Variants in ADAM9 observed in about 807,000 individuals in gnomAD.
ADAM9 encodes ADAM metallopeptidase domain 9.
A neutral mutation model predicts 108.1 loss-of-function variants in ADAM9; 54 were observed. The observed-to-expected ratio is 0.50, with a 90% CI of 0.40 to 0.63. The LOEUF (loss-of-function observed/expected upper bound fraction) is 0.63. Among genes scored for constraint, ADAM9 ranks in the 20% least tolerant of loss-of-function variants. The pLI is 0.00. For synonymous variants in ADAM9, 316 were observed against 336.0 expected (o/e 0.94, Z 0.65); for missense variants, 830 against 997.7 (o/e 0.83, Z 2.26).
intron 11 of ADAM9, among the ~76,000 whole-genome samples, chr8:39,027,773 T>C (rs1351081844): frequency 2.0e-5 from 3 of 150,962 alleles, no homozygotes; most frequent in Non-Finnish European, 4.4e-5. Flanking sequence ...AAATTAGATA[T>C]GAGAGGTGAT....
Position 39,043,771 on chromosome 8 carries a change from C to T in ADAM9, c.1302+1654C>T, listed in dbSNP as rs1299464114. On this transcript the variant is annotated intron_variant, in intron 12 of 21. Transcript: ENST00000487273. ...AAAAGGTAATTTTTCAGCCCTCACA[C>T]CCCTCCCATGCTCCCACTTTTTGGG... is the stretch of plus-strand genomic sequence containing the variant. Among the ~76,000 whole-genome samples the T allele has an allele frequency of 3.9e-5, 6 of 152,080 alleles. No individual in the cohort carries two copies. The East Asian group carries it at 1.2e-3, about 29-fold the overall frequency.
chr8:39,057,344 T>TAATATATAATTTACATATAATATATTA lies in ADAM9; in HGVS notation c.1591+1583_1591+1609dup, dbSNP rs1838157987. ...ATTACGTGAATCTAATATTTATATA[T>TAATATATAATTTACATATAATATATTA]AATATATAATTTACATATAATATAT... On this transcript the variant is annotated intron_variant, in intron 14 of 21. Coordinates refer to ENST00000487273, the MANE Select transcript of ADAM9 (RefSeq NM_003816.3). Among the ~76,000 whole-genome samples, 3 of 148,610 alleles carry TAATATATAATTTACATATAATATATTA rather than the reference T, an allele frequency of 2.0e-5. No homozygotes were observed. The South Asian group carries it at 6.3e-4, about 31-fold the overall frequency.
At chr8:39,060,461 G>T (rs866317314) in intron 14 of ADAM9, among the ~76,000 whole-genome samples, 1 of 152,154 alleles carries the variant, frequency 6.6e-6, no homozygotes, top group African/African-American at 2.4e-5. Flanking sequence ...ACCAAATGAG[G>T]AATATTTTGC....
At chr8:39,088,657 A>G (rs1489135263) in intron 18 of ADAM9, among the ~76,000 whole-genome samples, 2 of 152,168 alleles carry the variant, frequency 1.3e-5, no homozygotes, top group South Asian at 2.1e-4. Flanking sequence ...TTGTTTCTCA[A>G]AAGAACACAG....
chr8:39,071,449 C>CCGT, intron 15 of ADAM9, 46 bp downstream of exon 15: 1 of 1,292,710 alleles, frequency 7.7e-7, no homozygotes, highest in African/African-American at 1.5e-5. Flanking sequence ...ATTATAAGAT[C>CCGT]CGTCATCTCT....
intron 18 of ADAM9, among the ~76,000 whole-genome samples, chr8:39,083,571 T>A (rs1470830620): frequency 6.6e-6 from 1 of 152,228 alleles, no homozygotes; most frequent in Admixed American, 6.5e-5. Flanking sequence ...TGGGCTTTCA[T>A]ACCGTATTAT....
At chr8:39,042,551 C>CT (rs1837485994) in intron 12 of ADAM9, among the ~76,000 whole-genome samples, 1 of 151,872 alleles carries the variant, frequency 6.6e-6, no homozygotes, top group South Asian at 2.1e-4. Context: ...AAAGTTCTTG[C>CT]TACTCAAAGT....
intron 16 of ADAM9, among the ~76,000 whole-genome samples, chr8:39,080,853 C>G (rs1486360475): frequency 6.6e-6 from 1 of 151,506 alleles, no homozygotes; most frequent in Admixed American, 6.6e-5. Context: ...CAAGTTTGCT[C>G]TACTTGCTGC....
At chr8:39,063,811 A>G (rs1226322078) in intron 14 of ADAM9, among the ~76,000 whole-genome samples, 1 of 152,184 alleles carries the variant, frequency 6.6e-6, no homozygotes, top group Non-Finnish European at 1.5e-5. Flanking sequence ...TCAACTTTCA[A>G]GATCCAGTTC....
chr8:39,002,130 C>T (rs1836014742), intron 1 of ADAM9, among the ~76,000 whole-genome samples: 1 of 145,728 alleles, frequency 6.9e-6, no homozygotes, highest in South Asian at 2.2e-4. Context: ...CTAATTGAAA[C>T]AATTTCTCTA....
chr8:39,003,127 G>A (rs1434706370), intron 1 of ADAM9, among the ~76,000 whole-genome samples: 1 of 152,202 alleles, frequency 6.6e-6, no homozygotes, highest in African/African-American at 2.4e-5. Context: ...ATTAATTGTG[G>A]CATTTTGGTT....
intron 4 of ADAM9, chr8:39,015,271 ATACT>A (rs1308936638): frequency 1.3e-5 from 2 of 152,250 alleles, no homozygotes; most frequent in South Asian, 2.1e-4. Context: ...AACTGAGTTA[ATACT>A]TACAAGATGC....
At chr8:39,045,006 CTATGTA>C (rs1459945766) in intron 12 of ADAM9, among the ~76,000 whole-genome samples, 28 of 102,482 alleles carry the variant, frequency 2.7e-4, no homozygotes, top group Admixed American at 5.1e-4. Context: ...GCACACATAC[CTATGTA>C]TGTGTATGTG....
At chr8:39,071,139 A>G (rs1005558488) in intron 14 of ADAM9, among the ~76,000 whole-genome samples, 159 bp from the exon 15 acceptor site, 4 of 152,212 alleles carry the variant, frequency 2.6e-5, no homozygotes, top group African/African-American at 9.7e-5. Flanking sequence ...AATGTGGAAC[A>G]AAAATGTATC....
At chr8:39,038,887 T>C (rs2129435957) in intron 11 of ADAM9, among the ~76,000 whole-genome samples, 1 of 152,360 alleles carries the variant, frequency 6.6e-6, no homozygotes, top group South Asian at 2.1e-4. Context: ...ATTGATAGTT[T>C]ATGTTCTTTC....
chr8:39,105,210 A>C lies in ADAM9; in HGVS notation c.*1510A>C. ...AAAATTTCAGTTTTCTGAAGACAGC[A>C]TGTTATTTTAACAATCAAGTATACA... is the stretch of plus-strand genomic sequence containing the variant. On this transcript the variant is annotated 3_prime_UTR_variant, in exon 22 of 22. Coordinates refer to ENST00000487273, the MANE Select transcript of ADAM9 (RefSeq NM_003816.3). 2.3e-6 allele frequency: 1 copy of C among 442,294 alleles called. No homozygotes were observed. Among genetic ancestry groups the C allele is most frequent in the Non-Finnish European group, 4.5e-6 (1 of 223,320 alleles). 27.4% of individuals were successfully genotyped at this position (442,294 alleles called of 1,614,324 possible).
At chr8:39,026,029 C>T in intron 10 of ADAM9, 145 bp downstream of exon 10, 2 of 778,406 alleles carry the variant, frequency 2.6e-6, no homozygotes, top group Admixed American at 4.2e-5. Context: ...TGGGTTCTTT[C>T]CCCAGAGACT....
At chr8:39,004,032 C>T (rs922100601) in intron 1 of ADAM9, among the ~76,000 whole-genome samples, 1 of 152,026 alleles carries the variant, frequency 6.6e-6, no homozygotes, top group African/African-American at 2.4e-5. Flanking sequence ...GTAACTGAAC[C>T]TGTTTCAAAA....
intron 11 of ADAM9, among the ~76,000 whole-genome samples, chr8:39,030,391 A>G (rs898901560): frequency 2.0e-5 from 3 of 152,172 alleles, no homozygotes; most frequent in Non-Finnish European, 4.4e-5. Flanking sequence ...ACTTAGCAAT[A>G]TGCATTTAAG....
Sources: allele counts gnomAD v4.1 joint callset (sites outside exome capture counted in the v4.1 genomes callset), GRCh38; gene constraint gnomAD v4.1.1; transcripts MANE v1.5; gene names NCBI Gene and HGNC (gene_info 2026-07-23, HGNC 2026-07-21).